Variants in DAP3 observed in about 807,000 individuals in gnomAD.
The protein encoded by DAP3 is small ribosomal subunit protein mS29.
DAP3 carries 28 observed loss-of-function variants against 51.9 expected under a neutral mutation model. The observed-to-expected ratio is 0.54, with a 90% CI of 0.40 to 0.74. The LOEUF (loss-of-function observed/expected upper bound fraction) is 0.74. Among genes scored for constraint, DAP3 ranks in the 30% least tolerant of loss-of-function variants. The pLI is 0.00. For missense variants in DAP3, 458 were observed against 483.5 expected (o/e 0.95, Z 0.49); for synonymous variants, 170 against 170.3 (o/e 1.00, Z 0.01).
In DAP3 at chr1:155,709,792, G is replaced by A. The variant is rs1410395608; in HGVS notation, c.13G>A (p.Gly5Arg). The change falls in exon 2 of 13, where the codon GGA becomes AGA. Residue 5 changes from glycine to arginine, a missense_variant. Coordinates refer to ENST00000368336, the MANE Select transcript of DAP3 (RefSeq NM_004632.4). MMLK[G>R]ITRLISRIHK... ...TAACAGTGCAAGGATGATGCTGAAA[G>A]GAATAACAAGGCTTATCTCTAGGAT... 1 of 1,612,742 alleles carries A rather than the reference G, an allele frequency of 6.2e-7. No individual in the cohort carries two copies. The highest frequency in any genetic ancestry group is 8.5e-7 in the Non-Finnish European group (1 of 1,179,710).
chr1:155,729,252 G>A lies in DAP3; in HGVS notation c.729G>A (p.Val243=). ...VRNATDAVGI[V]LKELKRQSSL... ...ACGCCACAGATGCAGTTGGAATTGTGCTGAAAGAGCTAAAGAGGCAAAGTT... is the reference window on the plus strand; with the variant it reads ...ACGCCACAGATGCAGTTGGAATTGTACTGAAAGAGCTAAAGAGGCAAAGTT... Residue 243 remains valine, a synonymous_variant, in exon 9 of 13, where the codon GTG becomes GTA. Coordinates refer to ENST00000368336, the MANE Select transcript of DAP3 (RefSeq NM_004632.4). 1 of 1,614,196 alleles carries A rather than the reference G, an allele frequency of 6.2e-7. No homozygotes were observed. Among genetic ancestry groups the A allele is most frequent in the South Asian group, 1.1e-5 (1 of 91,086 alleles).
chr1:155,717,054 A>C lies in DAP3; in HGVS notation c.94A>C (p.Ile32Leu), dbSNP rs200523835. ...CATGGGGACCCAGGCTCGCCAAAGCATTGCTGCTCACCTAGATAACCAGGT... is the reference window on the plus strand; with the variant it reads ...CATGGGGACCCAGGCTCGCCAAAGCCTTGCTGCTCACCTAGATAACCAGGT... ...LHMGTQARQS[I>L]AAHLDNQVPV... Residue 32 changes from isoleucine (I) to leucine (L), a missense_variant, in exon 3 of 13, where the codon ATT becomes CTT. Physicochemically the swap from Ile to Leu is conservative, Grantham distance 5 (BLOSUM62 2). Coordinates refer to ENST00000368336, the MANE Select transcript of DAP3 (RefSeq NM_004632.4). 641 of 1,613,946 alleles carry C rather than the reference A, an allele frequency of 4.0e-4. No individual in the cohort carries two copies. Among genetic ancestry groups the C allele is most frequent in the Non-Finnish European group, 5.2e-4 (615 of 1,180,028 alleles).
intron 1 of DAP3, 119 bp downstream of exon 1, chr1:155,689,293 C>T: frequency 3.2e-6 from 2 of 630,068 alleles, no homozygotes; most frequent in Non-Finnish European, 3.0e-6. Context: ...GGATTCCTCC[C>T]GGGCGTTGAG....
chr1:155,729,203 A>T lies in DAP3; in HGVS notation c.685-5A>T, dbSNP rs370718586. On this transcript the variant is annotated splice_polypyrimidine_tract_variant and splice_region_variant and intron_variant, in intron 8 of 12. Transcript: ENST00000368336. ...AGCACTACAATCCACTGTCTCTCCC[A>T]ATAGGGCATAACACGGGTGAGGAAC... The T allele has an allele frequency of 1.1e-5, 18 of 1,614,224 alleles. No individual in the cohort carries two copies. The African/African-American group carries it at 2.4e-4, about 22-fold the overall frequency.
rs933614994 is a variant in DAP3 at position 155,699,501 on chromosome 1, C to G, written c.-7-10272C>G. On this transcript the variant is annotated intron_variant, in intron 1 of 12. Transcript: ENST00000368336. Reference sequence around the variant, plus strand: ...TTTTATGGCCAGTTTATGCAGGCACCCCATGAGCCTTTTTCCCAACGCTTA... The same window carrying G: ...TTTTATGGCCAGTTTATGCAGGCACGCCATGAGCCTTTTTCCCAACGCTTA... Among the ~76,000 whole-genome samples, 5 of 152,134 alleles carry G rather than the reference C, an allele frequency of 3.3e-5. No homozygotes were observed. The East Asian group carries it at 9.6e-4, about 29-fold the overall frequency.
intron 1 of DAP3, among the ~76,000 whole-genome samples, chr1:155,698,147 T>C (rs1654760344): frequency 6.6e-6 from 1 of 152,142 alleles, no homozygotes; most frequent in Non-Finnish European, 1.5e-5. Flanking sequence ...ACAAACAATT[T>C]GTACAGGTAA....
Position 155,729,101 on chromosome 1 carries a change from T to C in DAP3, c.663T>C (p.Pro221=). 1.2e-6 allele frequency: 2 copies of C among 1,614,168 alleles called. No homozygotes were observed. The highest frequency in any genetic ancestry group is 1.1e-5 in the South Asian group (1 of 91,090). Reference sequence around the variant, plus strand: ...GAGAAAGCACTGAGAAAGGGAGTCCTCTGGGAGAAGTGGTTGAACAGGTAT... The same window carrying C: ...GAGAAAGCACTGAGAAAGGGAGTCCCCTGGGAGAAGTGGTTGAACAGGTAT... ...NKRESTEKGS[P]LGEVVEQGIT... is the part of the protein sequence containing the mutation. Residue 221 remains proline, a synonymous_variant, in exon 8 of 13, where the codon CCT becomes CCC. Coordinates refer to ENST00000368336, the MANE Select transcript of DAP3 (RefSeq NM_004632.4).
chr1:155,705,145 G>T (rs894256963), intron 1 of DAP3, among the ~76,000 whole-genome samples: 13 of 151,318 alleles, frequency 8.6e-5, no homozygotes, highest in African/African-American at 3.2e-4. Flanking sequence ...AAAAAGCCAG[G>T]CACAGTGGCA....
intron 4 of DAP3, among the ~76,000 whole-genome samples, chr1:155,723,999 A>G (rs1658283460): frequency 6.6e-6 from 1 of 151,306 alleles, no homozygotes; most frequent in East Asian, 1.9e-4. Context: ...AGATCGTGTC[A>G]CTGCACTCCA....
chr1:155,695,532 A>G (rs976019296), intron 1 of DAP3, among the ~76,000 whole-genome samples: 1 of 152,228 alleles, frequency 6.6e-6, no homozygotes, highest in African/African-American at 2.4e-5. Context: ...GCCTCAGTCA[A>G]GGGTCCTGGA....
At chr1:155,716,735 C>T (rs1329200798) in intron 2 of DAP3, among the ~76,000 whole-genome samples, 1 of 151,922 alleles carries the variant, frequency 6.6e-6, no homozygotes, top group Non-Finnish European at 1.5e-5. Flanking sequence ...CACCTGAGTT[C>T]AGGAGTTCAA....
At position 155,689,095 on chromosome 1, in the gene DAP3, T is replaced by G; in HGVS notation, c.-87T>G. ...CGGATGACCCGACCCTTTTTTGCAG[T>G]CTCAGGACGGGCGCTTTGGAGCCGG... is the stretch of plus-strand genomic sequence containing the variant. On this transcript the variant is annotated 5_prime_UTR_variant, in exon 1 of 13. Coordinates refer to ENST00000368336, the MANE Select transcript of DAP3 (RefSeq NM_004632.4). The G allele has an allele frequency of 1.4e-6, 2 of 1,385,560 alleles. No homozygotes were observed. The highest frequency in any genetic ancestry group is 2.0e-6 in the Non-Finnish European group (2 of 1,014,008). The allele number at this position is 1,385,560 out of a possible 1,614,324, so 85.8% of individuals were successfully genotyped here.
rs911758384 is a variant in DAP3, at chr1:155,725,447, G to GA, written c.341dup (p.Asn114LysfsTer66). ...CAGCCCTAGAACTTCTGCATTACCT[G>GA]AAAAACACCAGTTTTGCTTATCCAG... On this transcript the variant is annotated frameshift_variant, in exon 5 of 13. Coordinates refer to ENST00000368336, the MANE Select transcript of DAP3 (RefSeq NM_004632.4). LOFTEE classifies it high-confidence loss of function. 4 of 1,613,974 alleles carry GA rather than the reference G, an allele frequency of 2.5e-6. No homozygotes were observed. In the African/African-American group the frequency reaches 5.3e-5, roughly 22 times the overall value.
chr1:155,716,815 C>G (rs986524820), intron 2 of DAP3, among the ~76,000 whole-genome samples, 191 bp from the exon 3 acceptor site: 1 of 151,886 alleles, frequency 6.6e-6, no homozygotes, highest in East Asian at 1.9e-4. Flanking sequence ...GGTGTGGTGG[C>G]GCACGCCTGT....
intron 2 of DAP3, among the ~76,000 whole-genome samples, chr1:155,710,856 T>C (rs1656609723): frequency 6.6e-6 from 1 of 152,042 alleles, no homozygotes; most frequent in Admixed American, 6.6e-5. Context: ...TCCAGAAGCT[T>C]ACAGTCCAGT....
At chr1:155,703,093 A>C (rs187656573) in intron 1 of DAP3, among the ~76,000 whole-genome samples, 1 of 152,164 alleles carries the variant, frequency 6.6e-6, no homozygotes, top group Non-Finnish European at 1.5e-5. Context: ...GAGGCCTCCA[A>C]ATTTGTTCCT....
At chr1:155,732,644 C>G (rs1045252913) in intron 11 of DAP3, among the ~76,000 whole-genome samples, 1 of 152,078 alleles carries the variant, frequency 6.6e-6, no homozygotes, top group South Asian at 2.1e-4. Flanking sequence ...ATACTTTTAC[C>G]TAATTGGTGG....
chr1:155,707,974 G>GT (rs960120165), intron 1 of DAP3, among the ~76,000 whole-genome samples: 2 of 151,968 alleles, frequency 1.3e-5, no homozygotes, highest in African/African-American at 4.8e-5. Flanking sequence ...TTTTTCTACA[G>GT]TTTTTTTATA....
intron 1 of DAP3, among the ~76,000 whole-genome samples, chr1:155,694,165 AG>A (rs764355140): frequency 2.1e-5 from 3 of 141,280 alleles, no homozygotes; most frequent in Admixed American, 6.6e-5. Flanking sequence ...AATTTTAACT[AG>A]CCAATGTTGT....
Sources: allele counts gnomAD v4.1 joint callset (sites outside exome capture counted in the v4.1 genomes callset), GRCh38; gene constraint gnomAD v4.1.1; transcripts MANE v1.5; gene names NCBI Gene and HGNC (gene_info 2026-07-23, HGNC 2026-07-21).